TIAM1: variants seen among roughly 807,000 people sequenced by gnomAD.
TIAM1 encodes the protein rho guanine nucleotide exchange factor TIAM1.
A neutral mutation model predicts 163.5 loss-of-function variants in TIAM1; 65 were observed. The ratio of observed to expected loss-of-function variants is 0.40; its 90% confidence interval spans 0.33 to 0.49. The LOEUF (loss-of-function observed/expected upper bound fraction) is 0.49, where lower values mean the gene tolerates loss of function less well. Ranked by LOEUF, TIAM1 falls within the 20% of genes least tolerant of loss-of-function variation. The probability of loss-of-function intolerance (pLI) is 0.77; values close to 1 mark genes in which losing one functional copy is unlikely to be tolerated. For synonymous variants in TIAM1, 833 were observed against 810.1 expected (o/e 1.03, Z -0.48); for missense variants, 1,789 against 2,044.7 (o/e 0.87, Z 2.41).
At chr21:31,382,610 G>A (rs1296691598) in intron 2 of TIAM1, among the ~76,000 whole-genome samples, 3 of 152,120 alleles carry the variant, frequency 2.0e-5, no homozygotes, top group Admixed American at 6.5e-5. Flanking sequence ...TTAATGAGAC[G>A]GATGTAGCAC....
intron 5 of TIAM1, among the ~76,000 whole-genome samples, chr21:31,249,619 G>A (rs2071686200): frequency 6.6e-6 from 1 of 152,178 alleles, no homozygotes; most frequent in African/African-American, 2.4e-5. Context: ...GTCCAGAGGT[G>A]TGCCCATCTA....
At chr21:31,544,022 G>A (rs567494726) in intron 1 of TIAM1, among the ~76,000 whole-genome samples, 1 of 151,770 alleles carries the variant, frequency 6.6e-6, no homozygotes, top group Admixed American at 6.6e-5. Context: ...CCAACCTGGC[G>A]AACACAGCGA....
chr21:31,325,466 G>A (rs896389475), intron 2 of TIAM1, among the ~76,000 whole-genome samples: 15 of 151,952 alleles, frequency 9.9e-5, no homozygotes, highest in African/African-American at 2.2e-4. Flanking sequence ...TCAGGAGTTC[G>A]AGACCAGCCT....
At chr21:31,127,832 C>CGT (rs1367357670) in intron 25 of TIAM1, among the ~76,000 whole-genome samples, 1 of 152,146 alleles carries the variant, frequency 6.6e-6, no homozygotes, top group African/African-American at 2.4e-5. Flanking sequence ...ATGCAGATTT[C>CGT]ATCCGGCCAG....
rs528972831 is a variant in TIAM1 at position 31,148,462 on chromosome 21, C to A, written c.3367-1459G>T. 7.2e-5 allele frequency among the ~76,000 whole-genome samples: 11 copies of A among 152,222 alleles called. No homozygotes were observed. In the East Asian group the frequency reaches 1.9e-3, roughly 27 times the overall value. On this transcript the variant is annotated intron_variant, in intron 19 of 27. Transcript: ENST00000541036. ...TCCCCAGCCATGAGGGACTGTGAGT[C>A]CATTAAACCTCTTTTTCTTTACAAA...
At chr21:31,301,812 T>G (rs1211882032) in intron 2 of TIAM1, among the ~76,000 whole-genome samples, 2 of 151,096 alleles carry the variant, frequency 1.3e-5, no homozygotes, top group Non-Finnish European at 2.9e-5. Context: ...TGCACTCCAG[T>G]CTGGGCAACA....
intron 2 of TIAM1, chr21:31,452,597 T>C: frequency 1.8e-6 from 1 of 571,110 alleles, no homozygotes; most frequent in African/African-American, 1.9e-5. Context: ...GATATAGCAC[T>C]AAGTTATGTG....
At chr21:31,133,292 G>A (rs2082488835) in intron 23 of TIAM1, among the ~76,000 whole-genome samples, 1 of 152,274 alleles carries the variant, frequency 6.6e-6, no homozygotes, top group Admixed American at 6.5e-5. Context: ...CTATTACTCT[G>A]GAGAGGATTC....
intron 4 of TIAM1, among the ~76,000 whole-genome samples, chr21:31,260,897 A>G (rs2833352): frequency 0.036 from 5,490 of 152,234 alleles, 310 homozygotes; most frequent in African/African-American, 0.12. Flanking sequence ...GTCTTTATCT[A>G]AGGAAAACGT....
At chr21:31,136,844 T>C (rs1878008655) in intron 22 of TIAM1, among the ~76,000 whole-genome samples, 1 of 152,232 alleles carries the variant, frequency 6.6e-6, no homozygotes, top group Non-Finnish European at 1.5e-5. Context: ...TGTAGGCAAA[T>C]TATTTCTTCT....
intron 27 of TIAM1, 37 bp downstream of exon 27, chr21:31,124,485 G>C (rs771606745): frequency 6.2e-7 from 1 of 1,609,468 alleles, no homozygotes; most frequent in Non-Finnish European, 8.5e-7. Context: ...CGGAGTGGGG[G>C]TGACGGGAAT....
At chr21:31,272,521 A>T (rs998798189) in intron 3 of TIAM1, among the ~76,000 whole-genome samples, 1 of 152,048 alleles carries the variant, frequency 6.6e-6, no homozygotes, top group East Asian at 1.9e-4. Flanking sequence ...ACATATATTG[A>T]AACAATGTCA....
intron 2 of TIAM1, among the ~76,000 whole-genome samples, chr21:31,299,419 T>C (rs991102689): frequency 2.0e-5 from 3 of 152,222 alleles, no homozygotes; most frequent in Admixed American, 2.0e-4. Flanking sequence ...CTATCAACTG[T>C]TATTTCTTGT....
intron 10 of TIAM1, among the ~76,000 whole-genome samples, chr21:31,212,041 C>T (rs905416709): frequency 6.6e-6 from 1 of 152,186 alleles, no homozygotes; most frequent in African/African-American, 2.4e-5. Context: ...AAAAACTATG[C>T]TTGGATTGCA....
At chr21:31,293,314 C>T (rs1186810593) in intron 2 of TIAM1, among the ~76,000 whole-genome samples, 1 of 152,102 alleles carries the variant, frequency 6.6e-6, no homozygotes, top group Non-Finnish European at 1.5e-5. Flanking sequence ...TGGATGAGGC[C>T]TACCAATGTT....
chr21:31,415,019 C>G (rs1053416204), intron 2 of TIAM1, among the ~76,000 whole-genome samples: 7 of 152,172 alleles, frequency 4.6e-5, no homozygotes, highest in African/African-American at 1.7e-4. Context: ...GGGTGTACCC[C>G]TGAGGGATGG....
intron 2 of TIAM1, among the ~76,000 whole-genome samples, chr21:31,417,934 GA>G (rs1442325698): frequency 6.6e-6 from 1 of 152,068 alleles, no homozygotes; most frequent in Non-Finnish European, 1.5e-5. Flanking sequence ...GAGAGAGAGA[GA>G]AATTGAAGAT....
intron 1 of TIAM1, among the ~76,000 whole-genome samples, chr21:31,499,101 G>T (rs1186541901): frequency 1.3e-5 from 2 of 152,150 alleles, no homozygotes; most frequent in Non-Finnish European, 2.9e-5. Flanking sequence ...GATACCTTGA[G>T]CATTGGCTCT....
At chr21:31,509,601 G>A (rs1339469780) in intron 1 of TIAM1, among the ~76,000 whole-genome samples, 2 of 152,154 alleles carry the variant, frequency 1.3e-5, no homozygotes, top group Non-Finnish European at 1.5e-5. Context: ...CCCGAGGCAC[G>A]CCTCTCTCAG....
Sources: allele counts gnomAD v4.1 joint callset (sites outside exome capture counted in the v4.1 genomes callset), GRCh38; gene constraint gnomAD v4.1.1; transcripts MANE v1.5; gene names NCBI Gene and HGNC (gene_info 2026-07-23, HGNC 2026-07-21).